Variants in NLN observed in about 807,000 individuals in gnomAD.
NLN encodes the protein neurolysin, mitochondrial.
NLN carries 64 observed loss-of-function variants against 79.9 expected under a neutral mutation model. The ratio of observed to expected loss-of-function variants is 0.80; its 90% CI spans 0.65 to 0.99. NLN has a LOEUF of 0.99. Among genes scored for constraint, NLN ranks in the 50% least tolerant of loss-of-function variants. NLN has a pLI of 0.00. For synonymous variants in NLN, 267 were observed against 296.6 expected (o/e 0.90, Z 1.02); for missense variants, 835 against 858.7 (o/e 0.97, Z 0.34).
rs371117177 is a variant in NLN, at chr5:65,788,243, T to C, written c.1084T>C (p.Tyr362His). ...YDGKINAWDL[Y>H]YYMTQTEELK... ...TGGGAAAATCAATGCCTGGGATCTA[T>C]ATTACTACATGACTCAGACAGAGGA... The change falls in exon 8 of 13, where the codon TAT becomes CAT. Residue 362 changes from tyrosine (Y) to histidine (H), a missense_variant. By Grantham distance (83) the Tyr-to-His change is moderately conservative. Coordinates refer to ENST00000380985, the MANE Select transcript of NLN (RefSeq NM_020726.5). 5.6e-6 allele frequency: 9 copies of C among 1,614,046 alleles called. No individual in the cohort carries two copies. The African/African-American group carries it at 6.7e-5, about 12-fold the overall frequency.
intron 1 of NLN, among the ~76,000 whole-genome samples, chr5:65,741,898 G>C (rs561052714): frequency 1.4e-4 from 22 of 152,090 alleles, no homozygotes; most frequent in Admixed American, 5.9e-4. Context: ...CATTAAGTTA[G>C]CTGTGTCATA....
intron 1 of NLN, among the ~76,000 whole-genome samples, chr5:65,754,395 T>A (rs1215824568): frequency 6.6e-6 from 1 of 152,068 alleles, no homozygotes; most frequent in Non-Finnish European, 1.5e-5. Context: ...GTACTGAGGG[T>A]AGGGACAGCT....
intron 3 of NLN, 39 bp downstream of exon 3, chr5:65,763,147 T>G: frequency 6.4e-7 from 1 of 1,555,512 alleles, no homozygotes; most frequent in Non-Finnish European, 8.8e-7. Flanking sequence ...AGGGAAAAAC[T>G]CTACAACAAA....
At chr5:65,764,912 AT>A (rs1406317613) in intron 3 of NLN, among the ~76,000 whole-genome samples, 3 of 152,152 alleles carry the variant, frequency 2.0e-5, no homozygotes, top group Non-Finnish European at 4.4e-5. Flanking sequence ...TATTTAGGCA[AT>A]TTTTTTAAAA....
At position 65,823,388 on chromosome 5, in the gene NLN, G is replaced by A. The variant is rs1461574002; in HGVS notation, c.*473G>A. 1.3e-5 allele frequency: 2 copies of A among 155,488 alleles called. No individual in the cohort carries two copies. The highest frequency in any genetic ancestry group is 4.8e-5 in the African/African-American group (2 of 41,438). 9.6% of individuals were successfully genotyped at this position (155,488 alleles called of 1,614,324 possible). On this transcript the variant is annotated 3_prime_UTR_variant, in exon 13 of 13. Coordinates refer to ENST00000380985, the MANE Select transcript of NLN (RefSeq NM_020726.5). ...TCAACTTTGATCCTTTGTCTCCCAG[G>A]AAGGTGTGACCTCTCCTTTGCCTGC...
At chr5:65,810,808 G>A (rs868483758) in intron 11 of NLN, among the ~76,000 whole-genome samples, 4 of 152,116 alleles carry the variant, frequency 2.6e-5, no homozygotes, top group Admixed American at 2.6e-4. Flanking sequence ...GGCAAAACCC[G>A]TCTCTACCAA....
intron 1 of NLN, 65 bp from the exon 2 acceptor site, chr5:65,758,502 A>T (rs1331202213): frequency 9.2e-7 from 1 of 1,086,198 alleles, no homozygotes; most frequent in African/African-American, 1.6e-5. Context: ...TATAATGCAC[A>T]TTCATATGTT....
chr5:65,731,760 T>C (rs1758615052), intron 1 of NLN, among the ~76,000 whole-genome samples: 2 of 119,002 alleles, frequency 1.7e-5, no homozygotes, highest in Admixed American at 8.0e-5. Context: ...TTTTTTTTTT[T>C]TTTTTTTTCA....
intron 9 of NLN, 131 bp downstream of exon 9, chr5:65,792,786 T>G: frequency 1.3e-6 from 1 of 773,924 alleles, no homozygotes. Context: ...ATAGGCCTTC[T>G]GCAAAACCAA....
chr5:65,778,606 CA>C (rs776786922), intron 4 of NLN, among the ~76,000 whole-genome samples: 2 of 152,246 alleles, frequency 1.3e-5, no homozygotes, highest in South Asian at 2.1e-4. Context: ...TTGCAGCTAA[CA>C]AAACCCTGTT....
At chr5:65,812,959 A>G (rs1760586556) in intron 12 of NLN, among the ~76,000 whole-genome samples, 1 of 152,202 alleles carries the variant, frequency 6.6e-6, no homozygotes, top group South Asian at 2.1e-4. Flanking sequence ...TTCCTGATTT[A>G]CAGCCCCCAA....
Position 65,792,476 on chromosome 5 carries a change from G to A in NLN, c.1348G>A (p.Ala450Thr). The A allele has an allele frequency of 6.2e-7, 1 of 1,613,932 alleles. No individual in the cohort carries two copies. Among genetic ancestry groups the A allele is most frequent in the Non-Finnish European group, 8.5e-7 (1 of 1,179,890 alleles). ...TAGGGAAGGAAAATACAATCATGCG[G>A]CCTGCTTCGGTCTCCAGCCTGGCTG... ...YPREGKYNHA[A>T]CFGLQPGCLL... The change falls in exon 9 of 13, where the codon GCC becomes ACC. Residue 450 changes from alanine to threonine, a missense_variant. Transcript: ENST00000380985.
Position 65,812,317 on chromosome 5 carries a change from T to C in NLN, c.1906T>C (p.Tyr636His). 6.2e-7 allele frequency: 1 copy of C among 1,602,856 alleles called. No individual in the cohort carries two copies. Residue 636 changes from tyrosine to histidine, a missense_variant, in exon 12 of 13, where the codon TAT (tyrosine) becomes CAT (histidine). Physicochemically the swap from Tyr to His is moderately conservative, Grantham distance 83 (BLOSUM62 2). Coordinates refer to ENST00000380985, the MANE Select transcript of NLN (RefSeq NM_020726.5). ...GGGATACGATGGCCAATATTATGGATATCTTTGGAGTGAAGTATTTTCCAT... is the reference window on the plus strand; with the variant it reads ...GGGATACGATGGCCAATATTATGGACATCTTTGGAGTGAAGTATTTTCCAT... ...AGGYDGQYYG[Y>H]LWSEVFSMDM... is the part of the protein sequence containing the mutation.
At chr5:65,753,637 G>A (rs1237348234) in intron 1 of NLN, among the ~76,000 whole-genome samples, 3 of 149,000 alleles carry the variant, frequency 2.0e-5, no homozygotes, top group African/African-American at 7.5e-5. Flanking sequence ...GGGATAGAGT[G>A]AGACTCTATC....
chr5:65,765,473 G>A (rs1054064134), intron 3 of NLN, among the ~76,000 whole-genome samples: 59 of 152,118 alleles, frequency 3.9e-4, no homozygotes, highest in Non-Finnish European at 5.0e-4. Flanking sequence ...AGTCTAGACT[G>A]TGCCATTGGG....
intron 12 of NLN, among the ~76,000 whole-genome samples, chr5:65,820,808 G>A (rs1428741952): frequency 1.3e-5 from 2 of 152,074 alleles, no homozygotes; most frequent in East Asian, 1.9e-4. Context: ...TTGGGAGGCC[G>A]AGGCAGGCAG....
At chr5:65,807,215 GA>G (rs1465871655) in intron 9 of NLN, among the ~76,000 whole-genome samples, 1 of 150,836 alleles carries the variant, frequency 6.6e-6, no homozygotes, top group East Asian at 1.9e-4. Context: ...AAAAAAGGAA[GA>G]AGGAAATTGC....
chr5:65,815,739 AC>A (rs1760655395), intron 12 of NLN, among the ~76,000 whole-genome samples: 1 of 152,070 alleles, frequency 6.6e-6, no homozygotes, highest in Admixed American at 6.6e-5. Flanking sequence ...CCTACAATAT[AC>A]TATTTGGGGT....
intron 1 of NLN, among the ~76,000 whole-genome samples, chr5:65,729,499 G>A (rs1020666518): frequency 4.6e-5 from 7 of 150,786 alleles, no homozygotes; most frequent in Admixed American, 6.6e-5. Flanking sequence ...CTCAGCCTCC[G>A]GAGTAGCTGG....
Sources: gnomAD v4.1 joint callset for allele counts (sites outside exome capture counted in the v4.1 genomes callset) on GRCh38, gnomAD v4.1.1 for gene constraint, MANE v1.5 for transcripts, NCBI Gene and HGNC (gene_info 2026-07-23, HGNC 2026-07-21) for gene names.